SPTA1: variants seen among roughly 807,000 people sequenced by gnomAD.
The protein encoded by SPTA1 is spectrin alpha chain, erythrocytic 1.
In SPTA1, 177 loss-of-function variants were observed where a neutral mutation model predicts 324.7. The ratio of observed to expected loss-of-function variants is 0.55; its 90% CI spans 0.48 to 0.62. SPTA1 has a LOEUF of 0.62. SPTA1 is among the 20% of genes least tolerant of loss of function. SPTA1 has a pLI of 0.00. For synonymous variants in SPTA1, 1,195 were observed against 1,041.3 expected, an observed-to-expected ratio of 1.15 and a Z score of -2.84; for missense variants, 3,162 against 2,883.6, an observed-to-expected ratio of 1.10 and a Z score of -2.21.
rs1372588484 is a variant in SPTA1, at chr1:158,656,427, A to G, written c.2898+137T>C. ...AAATTGTGGATGCTACAGTTCCTGC[A>G]TACAAGGGTCATAGAACTTAGTGTT... is the stretch of plus-strand genomic sequence containing the variant. On this transcript the variant is annotated intron_variant, in intron 20 of 51. Transcript: ENST00000643759. The G allele has an allele frequency of 1.5e-5, 12 of 801,860 alleles. No homozygotes were observed. In the African/African-American group the frequency reaches 2.0e-4, roughly 14 times the overall value. The allele number at this position is 801,860 out of a possible 1,614,324, so 49.7% of individuals were successfully genotyped here.
chr1:158,639,587 G>C lies in SPTA1; in HGVS notation c.4975C>G (p.Arg1659Gly). ...HQLLEREMLA[R>G]EDALKDLNTL... is the part of the protein sequence containing the mutation. ...GGGATGCCAACACTACTTACCTCTC[G>C]AGCCAACATCTCTCTCTCCAATAGC... The change falls in exon 35 of 52, where the codon CGA becomes GGA. Residue 1659 changes from arginine to glycine, a missense_variant. Physicochemically the swap from Arg to Gly is moderately radical, Grantham distance 125. Transcript: ENST00000643759. 2 of 1,613,688 alleles carry C rather than the reference G, an allele frequency of 1.2e-6. No individual in the cohort carries two copies. The highest frequency in any genetic ancestry group is 1.1e-5 in the South Asian group (1 of 91,050).
chr1:158,648,723 A>G (rs1455994894), intron 25 of SPTA1, 70 bp from the exon 26 acceptor site: 6 of 1,573,708 alleles, frequency 3.8e-6, no homozygotes, highest in Admixed American at 1.7e-5. Context: ...GGGGGTCACA[A>G]GAAAGTTATC....
At chr1:158,670,248 G>C (rs1177923683) in intron 12 of SPTA1, among the ~76,000 whole-genome samples, 1 of 152,136 alleles carries the variant, frequency 6.6e-6, no homozygotes. Flanking sequence ...AGTTACATAG[G>C]AGAAGAGTCA....
In SPTA1 at chr1:158,645,540, C is replaced by G; in HGVS notation, c.3951G>C (p.Leu1317=). 2 of 1,613,976 alleles carry G rather than the reference C, an allele frequency of 1.2e-6. No homozygotes were observed. The highest frequency in any genetic ancestry group is 1.7e-6 in the Non-Finnish European group (2 of 1,179,920). ...TCTCTATGCCAGTTAAGTCTTCGGC[C>G]AGCTCCTGTGATGATACCATGCCAC... The part of the protein sequence containing the change: ...SIGGMVSSQE[L]AEDLTGIEIL... The change falls in exon 28 of 52, where the codon CTG becomes CTC. Residue 1317 remains leucine, a synonymous_variant. Transcript: ENST00000643759.
chr1:158,681,559 A>G lies in SPTA1; in HGVS notation c.499T>C (p.Cys167Arg). 6.2e-7 allele frequency: 1 copy of G among 1,613,456 alleles called. No homozygotes were observed. Among genetic ancestry groups the G allele is most frequent in the African/African-American group, 1.3e-5 (1 of 74,864 alleles). Residue 167 changes from cysteine to arginine, a missense_variant, in exon 4 of 52, where the codon TGT (cysteine) becomes CGT (arginine). Transcript: ENST00000643759. ...ALKFQQYVQECADILEWIGDK... is the reference protein window; with the variant it reads ...ALKFQQYVQERADILEWIGDK... ...CCAATCCACTCTAAGATGTCAGCAC[A>G]CTCCTGTACATACTGCTGGAACTTC...
intron 17 of SPTA1, 111 bp downstream of exon 17, chr1:158,662,591 G>A (rs962130734): frequency 1.5e-5 from 22 of 1,462,400 alleles, no homozygotes; most frequent in Non-Finnish European, 2.0e-5. Flanking sequence ...AGTGTGAGAA[G>A]AAACAGCTAA....
In SPTA1 at chr1:158,636,017, TG is replaced by T; in HGVS notation, c.5327del (p.Ala1776GlufsTer4). 1 of 1,614,166 alleles carries T rather than the reference TG, an allele frequency of 6.2e-7. No individual in the cohort carries two copies. The highest frequency in any genetic ancestry group is 8.5e-7 in the Non-Finnish European group (1 of 1,180,024). The part of the protein sequence containing the change: ...EPAIQNVLDM[A>X]EKLKDKAAVG... ...CAGCAGCCTTGTCTTTCAGCTTCTCTGCCATATCCAGCACATTCTGAAGAAC... is the reference window on the plus strand; with the variant it reads ...CAGCAGCCTTGTCTTTCAGCTTCTCTCCATATCCAGCACATTCTGAAGAAC... On this transcript the variant is annotated frameshift_variant, in exon 38 of 52. Transcript: ENST00000643759. LOFTEE classifies it high-confidence loss of function.
chr1:158,639,805 A>T, intron 34 of SPTA1, 65 bp downstream of exon 34: 1 of 1,613,064 alleles, frequency 6.2e-7, no homozygotes, highest in Non-Finnish European at 8.5e-7. Flanking sequence ...GCCCATGGGT[A>T]AATTCATTTG....
In SPTA1 at chr1:158,652,568, C is replaced by T. The variant is rs777874948; in HGVS notation, c.3274G>A (p.Gly1092Arg). The T allele has an allele frequency of 4.3e-6, 7 of 1,614,126 alleles. No homozygotes were observed. In the South Asian group the frequency reaches 7.7e-5, roughly 18 times the overall value. Reference sequence around the variant, plus strand: ...TCTTGAATCCATTCCAGCATGTCTCCTGCCTCATAGGCCAATAAAAATTCA... The same window carrying T: ...TCTTGAATCCATTCCAGCATGTCTCTTGCCTCATAGGCCAATAAAAATTCA... The part of the protein sequence containing the change: ...YNEFLLAYEA[G>R]DMLEWIQEKK... Residue 1092 changes from glycine (G) to arginine (R), a missense_variant, in exon 23 of 52, where the codon GGA becomes AGA. Coordinates refer to ENST00000643759, the MANE Select transcript of SPTA1 (RefSeq NM_003126.4).
At chr1:158,636,794 G>A (rs1337938036) in intron 36 of SPTA1, 33 bp from the exon 37 acceptor site, 3 of 1,613,090 alleles carry the variant, frequency 1.9e-6, no homozygotes, top group Admixed American at 1.7e-5. Flanking sequence ...AAAGTTTGGA[G>A]TCTAGACATC....
intron 1 of SPTA1, among the ~76,000 whole-genome samples, chr1:158,686,184 G>T (rs896155232): frequency 1.5e-4 from 23 of 152,164 alleles, no homozygotes; most frequent in Non-Finnish European, 2.9e-4. Flanking sequence ...TCTGTGAATT[G>T]CCATTACTGG....
intron 27 of SPTA1, 31 bp downstream of exon 27, chr1:158,647,508 C>G (rs372584962): frequency 6.2e-7 from 1 of 1,611,990 alleles, no homozygotes; most frequent in Admixed American, 1.7e-5. Context: ...TACTTAGAGG[C>G]CAGACACGGA....
At chr1:158,627,224 T>C (rs1650338967) in intron 40 of SPTA1, among the ~76,000 whole-genome samples, 2 of 152,076 alleles carry the variant, frequency 1.3e-5, no homozygotes, top group African/African-American at 4.8e-5. Flanking sequence ...AAACTACATT[T>C]AAAAAAAGGA....
At position 158,685,337 on chromosome 1, in the gene SPTA1, C is replaced by A. The variant is rs1655097890; in HGVS notation, c.35G>T (p.Ser12Ile). 6.2e-7 allele frequency: 1 copy of A among 1,613,408 alleles called. No homozygotes were observed. Among genetic ancestry groups the A allele is most frequent in the Non-Finnish European group, 8.5e-7 (1 of 1,179,776 alleles). The change falls in exon 2 of 52, where the codon AGC becomes ATC. Residue 12 changes from serine (S) to isoleucine (I), a missense_variant. By Grantham distance (142) the Ser-to-Ile change is moderately radical. Transcript: ENST00000643759. ...EQFPKETVVE[S>I]SGPKVLETAE... ...TGTTTCCAAAACCTTTGGCCCACTG[C>A]TCTCCACAACCTGCAAGTTAAAAAG...
chr1:158,649,783 C>T, intron 25 of SPTA1, 73 bp downstream of exon 25: 1 of 1,225,940 alleles, frequency 8.2e-7, no homozygotes, highest in Non-Finnish European at 1.2e-6. Flanking sequence ...TATGGTTCCA[C>T]CATAGTAATA....
chr1:158,666,459 C>T lies in SPTA1; in HGVS notation c.2077G>A (p.Glu693Lys). 6.2e-7 allele frequency: 1 copy of T among 1,612,142 alleles called. No homozygotes were observed. Among genetic ancestry groups the T allele is most frequent in the South Asian group, 1.1e-5 (1 of 91,054 alleles). ...CGCTGCAAATCTTCTGCATTATTTT[C>T]AAATTGCAGCTGCTGGTTGGCCTCA... ...LHEANQQLQF[E>K]NNAEDLQRWL... The change falls in exon 16 of 52, where the codon GAA becomes AAA. Residue 693 changes from glutamate (E) to lysine (K), a missense_variant. Physicochemically the swap from Glu to Lys is moderately conservative, Grantham distance 56. Transcript: ENST00000643759.
rs1028739657 is a variant in SPTA1 at position 158,683,625 on chromosome 1, C to A, written c.265-129G>T. On this transcript the variant is annotated intron_variant, in intron 2 of 51. Transcript: ENST00000643759. ...ACTCAGAGGCCATAAAGAGTATTTTCCTGTCCCCACTGGCTTTAGGAAGTT... is the reference window on the plus strand; with the variant it reads ...ACTCAGAGGCCATAAAGAGTATTTTACTGTCCCCACTGGCTTTAGGAAGTT... 3 of 1,206,922 alleles carry A rather than the reference C, an allele frequency of 2.5e-6. No individual in the cohort carries two copies. The Admixed American group carries it at 5.9e-5, about 24-fold the overall frequency. The allele number at this position is 1,206,922 out of a possible 1,614,324, so 74.8% of individuals were successfully genotyped here. A position where few individuals can be genotyped will look rare whatever the true frequency, so the allele number is the denominator to read the frequency against.
chr1:158,669,437 T>C lies in SPTA1; in HGVS notation c.1804A>G (p.Lys602Glu). The change falls in exon 14 of 52, where the codon AAA (lysine) becomes GAA (glutamate). Residue 602 changes from lysine (K) to glutamate (E), a missense_variant. Transcript: ENST00000643759. ...DDLKNWINKK[K>E]KLADDEDYKD... Reference sequence around the variant, plus strand: ...TAATCTTCATCATCTGCCAACTTTTTCTTCTTGTTGATCCAGTTCTTTAGG... The same window carrying C: ...TAATCTTCATCATCTGCCAACTTTTCCTTCTTGTTGATCCAGTTCTTTAGG... 6.2e-7 allele frequency: 1 copy of C among 1,614,154 alleles called. No individual in the cohort carries two copies. The highest frequency in any genetic ancestry group is 8.5e-7 in the Non-Finnish European group (1 of 1,179,986).
intron 27 of SPTA1, 130 bp from the exon 28 acceptor site, chr1:158,645,724 T>C (rs1225716908): frequency 5.3e-6 from 5 of 935,406 alleles, no homozygotes; most frequent in Non-Finnish European, 8.5e-6. Context: ...TTATATGCTT[T>C]ACAGATCTTA....
Sources: gnomAD v4.1 joint callset for allele counts (sites outside exome capture counted in the v4.1 genomes callset) on GRCh38, gnomAD v4.1.1 for gene constraint, MANE v1.5 for transcripts, NCBI Gene and HGNC (gene_info 2026-07-23, HGNC 2026-07-21) for gene names.